Variants in OVCH2 observed in about 807,000 individuals in gnomAD.
OVCH2 encodes ovochymase 2, also known as ovochymase-2.
OVCH2 carries 88 observed loss-of-function variants against 73.7 expected under a neutral mutation model. The observed-to-expected ratio is 1.19, with a 90% confidence interval of 1.01 to 1.43. OVCH2 has a LOEUF of 1.43. Ranked by LOEUF, OVCH2 falls within the 40% of genes most tolerant of loss-of-function variation. OVCH2 has a pLI of 0.00. For missense variants in OVCH2, 706 were observed against 674.5 expected (o/e 1.05, Z -0.52); for synonymous variants, 265 against 234.5 (o/e 1.13, Z -1.19).
Position 7,702,220 on chromosome 11 carries a change from A to G in OVCH2, c.400T>C (p.Ser134Pro), listed in dbSNP as rs886181743. ...IETVIIHPHFSTKKPMDYDIA... is the reference protein window; with the variant it reads ...IETVIIHPHFPTKKPMDYDIA... ...TCATAGTCCATTGGTTTCTTGGTGG[A>G]GAAATGTGGATGTATGATGACAGTT... The change falls in exon 4 of 16, where the codon TCC becomes CCC. Residue 134 changes from serine to proline, a missense_variant. Physicochemically the swap from Ser to Pro is moderately conservative, Grantham distance 74. Transcript: ENST00000533663. 2 of 1,612,950 alleles carry G rather than the reference A, an allele frequency of 1.2e-6. No homozygotes were observed. Among genetic ancestry groups the G allele is most frequent in the Admixed American group, 3.3e-5 (2 of 59,784 alleles).
chr11:7,685,331 A>AT (rs973251527), downstream of OVCH2, among the ~76,000 whole-genome samples: 52 of 152,264 alleles, frequency 3.4e-4, no homozygotes, highest in African/African-American at 1.2e-3. Flanking sequence ...TTGGAAGGGC[A>AT]TTTTGCAAGA....
At chr11:7,682,650 A>G in the OVCH2 span, among the ~76,000 whole-genome samples, 1 of 152,224 alleles carries the variant, frequency 6.6e-6, no homozygotes, top group African/African-American at 2.4e-5. Context: ...TTCCTCTCCA[A>G]TGCTCAAGAA....
chr11:7,689,144 C>G (rs1448873798), downstream of OVCH2, among the ~76,000 whole-genome samples: 1 of 152,134 alleles, frequency 6.6e-6, no homozygotes, highest in Non-Finnish European at 1.5e-5. Flanking sequence ...AATTAAAATT[C>G]CTAATCATTT....
chr11:7,698,405 A>C (rs926314569), intron 8 of OVCH2, among the ~76,000 whole-genome samples: 3 of 152,222 alleles, frequency 2.0e-5, no homozygotes, highest in Non-Finnish European at 4.4e-5. Flanking sequence ...TCGCAATGGA[A>C]CAAAGGGGAT....
intron 10 of OVCH2, among the ~76,000 whole-genome samples, chr11:7,695,926 C>T (rs190898547): frequency 6.6e-6 from 1 of 152,264 alleles, no homozygotes; most frequent in East Asian, 1.9e-4. Context: ...TGGCCTCTAC[C>T]AGTGACAATT....
chr11:7,694,291 A>T (rs770956967), intron 12 of OVCH2, among the ~76,000 whole-genome samples: 3 of 152,258 alleles, frequency 2.0e-5, no homozygotes, highest in Admixed American at 6.5e-5. Context: ...CAAACAACTA[A>T]CCACACACTG....
chr11:7,689,366 C>G, downstream of OVCH2: 1 of 233,378 alleles, frequency 4.3e-6, no homozygotes, highest in Non-Finnish European at 8.6e-6. Flanking sequence ...TAGTCAGCCC[C>G]CACAATTGTG....
At chr11:7,690,132 C>A (rs562597608) in intron 14 of OVCH2, 119 bp from the exon 15 acceptor site, 3 of 685,152 alleles carry the variant, frequency 4.4e-6, no homozygotes, top group Non-Finnish European at 7.3e-6. Flanking sequence ...GCCAGCTAGA[C>A]TCTATAGGTA....
chr11:7,681,033 G>C, the OVCH2 span, among the ~76,000 whole-genome samples: 80 of 152,252 alleles, frequency 5.3e-4, no homozygotes, highest in African/African-American at 1.8e-3. Context: ...GAGCTTGTAA[G>C]CAGACCACCC....
At chr11:7,704,463 A>G (rs1433521495) in intron 2 of OVCH2, 102 bp downstream of exon 2, 2 of 748,614 alleles carry the variant, frequency 2.7e-6, no homozygotes, top group South Asian at 2.1e-5. Flanking sequence ...TTTCAACCCA[A>G]CTAGGCTGTA....
At chr11:7,703,348 A>G (rs1444671944) in intron 3 of OVCH2, among the ~76,000 whole-genome samples, 1 of 152,196 alleles carries the variant, frequency 6.6e-6, no homozygotes, top group Non-Finnish European at 1.5e-5. Context: ...CCATTTCTTC[A>G]GATGCATAAT....
chr11:7,680,369 T>G, the OVCH2 span, among the ~76,000 whole-genome samples: 2 of 152,162 alleles, frequency 1.3e-5, no homozygotes, highest in African/African-American at 4.8e-5. Flanking sequence ...GTGTTGATCA[T>G]TGAGGGAAAG....
chr11:7,692,008 G>A lies in OVCH2; in HGVS notation c.1414-13C>T, dbSNP rs1565166190. ...TCTGAAATGAAAGCTGAGAAGACACGAAGTTACATCCAGAGTAAACAATCT... is the reference window on the plus strand; with the variant it reads ...TCTGAAATGAAAGCTGAGAAGACACAAAGTTACATCCAGAGTAAACAATCT... On this transcript the variant is annotated splice_polypyrimidine_tract_variant and intron_variant, in intron 12 of 15. Coordinates refer to ENST00000533663, the MANE Select transcript of OVCH2 (RefSeq NM_198185.7). The A allele has an allele frequency of 2.6e-6, 4 of 1,533,604 alleles. No homozygotes were observed. The highest frequency in any genetic ancestry group is 1.2e-5 in the South Asian group (1 of 83,974). The allele number at this position is 1,533,604 out of a possible 1,614,324, so 95.0% of individuals were successfully genotyped here. A position where few individuals can be genotyped will look rare whatever the true frequency, so the allele number is the denominator to read the frequency against.
At chr11:7,690,693 G>A (rs10839843) in intron 14 of OVCH2, among the ~76,000 whole-genome samples, 76,300 of 151,738 alleles carry the variant, frequency 0.5, 21,524 homozygotes, top group Non-Finnish European at 0.63. Flanking sequence ...TCCACACGAG[G>A]TAAAACAAGG....
At chr11:7,698,129 G>C (rs951924098) in intron 8 of OVCH2, among the ~76,000 whole-genome samples, 4 of 151,984 alleles carry the variant, frequency 2.6e-5, no homozygotes, top group Non-Finnish European at 5.9e-5. Flanking sequence ...CCTCCTTCCA[G>C]TTGCAGCTTC....
At chr11:7,700,599 A>AATTATTAGAAG in intron 6 of OVCH2, 114 bp from the exon 7 acceptor site, 1 of 1,195,992 alleles carries the variant, frequency 8.4e-7, no homozygotes, top group Non-Finnish European at 1.1e-6. Context: ...CTCACTTCTA[A>AATTATTAGAAG]TAATTTAGAC....
chr11:7,704,150 C>G (rs188069539), intron 2 of OVCH2, among the ~76,000 whole-genome samples: 1 of 152,214 alleles, frequency 6.6e-6, no homozygotes, highest in Admixed American at 6.5e-5. Flanking sequence ...TAAGATATTG[C>G]AGAGTCCAGC....
chr11:7,692,096 A>G, intron 12 of OVCH2, 101 bp from the exon 13 acceptor site: 1 of 804,794 alleles, frequency 1.2e-6, no homozygotes. Context: ...TTCTGGAGTA[A>G]GACCTTAGAT....
chr11:7,704,571 G>A lies in OVCH2; in HGVS notation c.192C>T (p.Pro64=). Residue 64 remains proline (P), a synonymous_variant, in exon 2 of 16, where the codon CCC becomes CCT. Transcript: ENST00000533663. ...GGSQVEKGSY[P]WQVSLKQRQK... ...AGAAGTCCTTGAGACTCACCTGCCA[G>A]GGATAGGAACCCTTCTCCACTTGGC... 17 of 1,603,600 alleles carry A rather than the reference G, an allele frequency of 1.1e-5. No individual in the cohort carries two copies. The highest frequency in any genetic ancestry group is 1.4e-5 in the Non-Finnish European group (16 of 1,171,630).
Sources: allele counts gnomAD v4.1 joint callset (sites outside exome capture counted in the v4.1 genomes callset), GRCh38; gene constraint gnomAD v4.1.1; transcripts MANE v1.5; gene names NCBI Gene and HGNC (gene_info 2026-07-23, HGNC 2026-07-21).